The following FER1L6 variants were observed in gnomAD, a reference collection of about 807,000 sequenced individuals.
FER1L6 encodes the protein fer-1 like family member 6, also known as fer-1-like protein 6.
A neutral mutation model predicts 219.2 loss-of-function variants in FER1L6; 177 were observed. That is an observed-to-expected ratio of 0.81 (90% CI 0.71 to 0.91). FER1L6 has a LOEUF of 0.91. Ranked by LOEUF, FER1L6 falls within the 40% of genes least tolerant of loss-of-function variation. The probability of loss-of-function intolerance (pLI) is 0.00; values close to 1 mark genes in which losing one functional copy is unlikely to be tolerated. For synonymous variants in FER1L6, 768 were observed against 824.3 expected, an observed-to-expected ratio of 0.93 and a Z score of 1.17; for missense variants, 2,153 against 2,259.9, an observed-to-expected ratio of 0.95 and a Z score of 0.96.
intron 39 of FER1L6, among the ~76,000 whole-genome samples, chr8:124,115,384 C>A (rs942386206): frequency 2.6e-5 from 4 of 152,166 alleles, no homozygotes; most frequent in African/African-American, 9.6e-5. Context: ...CAGTAAACAC[C>A]TTTCCCCTGC....
At chr8:123,953,811 C>T (rs540562562) in intron 1 of FER1L6, among the ~76,000 whole-genome samples, 21 of 152,288 alleles carry the variant, frequency 1.4e-4, no homozygotes, top group African/African-American at 5.1e-4. Context: ...TGGCAGGGGG[C>T]ACCTGGGGAC....
At chr8:124,064,955 A>G (rs1820759891) in intron 26 of FER1L6, among the ~76,000 whole-genome samples, 1 of 152,240 alleles carries the variant, frequency 6.6e-6, no homozygotes, top group Non-Finnish European at 1.5e-5. Flanking sequence ...AAGAGGAGGA[A>G]AACAGTTAGT....
chr8:124,090,366 G>A (rs1448128902), intron 33 of FER1L6, among the ~76,000 whole-genome samples: 1 of 152,208 alleles, frequency 6.6e-6, no homozygotes, highest in Non-Finnish European at 1.5e-5. Context: ...CTCTGAAATT[G>A]GGGAAGGAAG....
chr8:124,067,866 G>T, intron 28 of FER1L6, 60 bp downstream of exon 28: 1 of 1,440,234 alleles, frequency 6.9e-7, no homozygotes, highest in South Asian at 1.2e-5. Flanking sequence ...CGAGAAAATT[G>T]TAAAATGGAA....
intron 22 of FER1L6, among the ~76,000 whole-genome samples, chr8:124,057,556 C>A (rs1182694840): frequency 6.6e-6 from 1 of 152,006 alleles, no homozygotes; most frequent in Non-Finnish European, 1.5e-5. Flanking sequence ...TTGCTTCTGT[C>A]CTGTTCTATT....
intron 37 of FER1L6, among the ~76,000 whole-genome samples, chr8:124,098,712 A>C (rs1822415759): frequency 1.3e-5 from 2 of 152,242 alleles, no homozygotes; most frequent in South Asian, 4.1e-4. Flanking sequence ...TGTATCCTGT[A>C]AATAGGTATT....
intron 12 of FER1L6, among the ~76,000 whole-genome samples, chr8:123,987,767 A>G (rs1816660535): frequency 6.6e-6 from 1 of 152,118 alleles, no homozygotes; most frequent in Non-Finnish European, 1.5e-5. Context: ...AGCACCATTT[A>G]TTGAAGAGAC....
chr8:123,973,226 T>C (rs1815902980), intron 6 of FER1L6, among the ~76,000 whole-genome samples: 1 of 152,004 alleles, frequency 6.6e-6, no homozygotes, highest in Non-Finnish European at 1.5e-5. Flanking sequence ...GCACTGAGAG[T>C]TGACAGGCAT....
At chr8:124,044,750 T>C (rs968841284) in intron 20 of FER1L6, among the ~76,000 whole-genome samples, 13 of 152,150 alleles carry the variant, frequency 8.5e-5, no homozygotes, top group Admixed American at 3.9e-4. Context: ...AGGTGCAGAG[T>C]CCACTTGCCC....
At chr8:124,102,782 G>C (rs1303917602) in intron 38 of FER1L6, among the ~76,000 whole-genome samples, 2 of 152,206 alleles carry the variant, frequency 1.3e-5, no homozygotes, top group African/African-American at 4.8e-5. Flanking sequence ...CTCTCATGGG[G>C]TTGTCAGTGC....
intron 1 of FER1L6, among the ~76,000 whole-genome samples, chr8:123,882,974 G>C (rs143305188): frequency 3.9e-4 from 59 of 152,182 alleles, no homozygotes; most frequent in Non-Finnish European, 7.5e-4. Flanking sequence ...GGGTATACAT[G>C]TGTGGGGGTT....
rs1816548431 is a variant in FER1L6, at chr8:123,853,170, T to C, written c.-8+985T>C. ...CAGACTTTAAAATAGACGAAATCTT[T>C]TTTTGAGACAGTCTCACTCTATAGC... On this transcript the variant is annotated intron_variant, in intron 1 of 40. Transcript: ENST00000522917. This position sits in a 1 kb window ranked among gnomAD's most constrained non-coding sequence, Gnocchi z 6.6. Among the ~76,000 whole-genome samples, 1 of 151,862 alleles carries C rather than the reference T, an allele frequency of 6.6e-6. No individual in the cohort carries two copies. Among genetic ancestry groups the C allele is most frequent in the Non-Finnish European group, 1.5e-5 (1 of 67,960 alleles).
chr8:123,948,717 T>G (rs1401954982), intron 1 of FER1L6, among the ~76,000 whole-genome samples: 1 of 152,162 alleles, frequency 6.6e-6, no homozygotes, highest in Admixed American at 6.5e-5. Flanking sequence ...AGACAGACAC[T>G]ATTGAATTGG....
chr8:124,046,013 A>C, intron 21 of FER1L6, 112 bp downstream of exon 21: 3 of 1,306,328 alleles, frequency 2.3e-6, no homozygotes, highest in Non-Finnish European at 2.1e-6. Flanking sequence ...TGGTGAGAAC[A>C]CTAGATGTAC....
chr8:123,890,925 G>T (rs747099894), intron 1 of FER1L6, among the ~76,000 whole-genome samples: 1 of 151,908 alleles, frequency 6.6e-6, no homozygotes, highest in Non-Finnish European at 1.5e-5. Context: ...ATTTGAGTTG[G>T]TTTCAGATCT....
At chr8:124,097,072 G>GATATAT (rs565301549) in intron 35 of FER1L6, among the ~76,000 whole-genome samples, 199 bp from the exon 36 acceptor site, 44 of 146,846 alleles carry the variant, frequency 3.0e-4, no homozygotes, top group East Asian at 2.4e-3. Flanking sequence ...AATTCCTAAA[G>GATATAT]ATATATATAT....
At chr8:123,914,996 A>G (rs1052691159) in intron 1 of FER1L6, among the ~76,000 whole-genome samples, 3 of 151,398 alleles carry the variant, frequency 2.0e-5, no homozygotes, top group Non-Finnish European at 4.4e-5. Context: ...TATTAAAAAA[A>G]TTTTCATTCC....
intron 1 of FER1L6, among the ~76,000 whole-genome samples, chr8:123,898,808 T>TACATATATACAC (rs1812805507): frequency 2.1e-5 from 3 of 141,884 alleles, no homozygotes; most frequent in African/African-American, 7.9e-5. Flanking sequence ...TATATACACA[T>TACATATATACAC]ATATATACAT....
intron 20 of FER1L6, among the ~76,000 whole-genome samples, chr8:124,041,182 C>T (rs796780331): frequency 3.1e-4 from 47 of 152,302 alleles, no homozygotes; most frequent in African/African-American, 1.1e-3. Flanking sequence ...ACACAGTGCC[C>T]TAAGGTTACT....
Sources: allele counts gnomAD v4.1 joint callset (sites outside exome capture counted in the v4.1 genomes callset), GRCh38; gene constraint gnomAD v4.1.1; non-coding constraint Gnocchi (gnomAD v3.1); transcripts MANE v1.5; gene names NCBI Gene and HGNC (gene_info 2026-07-23, HGNC 2026-07-21).